The following PSMA8 variants were observed in gnomAD, a reference collection of about 807,000 sequenced individuals.
The protein encoded by PSMA8 is proteasome 20S subunit alpha 8, also known as proteasome subunit alpha-type 8.
A neutral mutation model predicts 32.4 loss-of-function variants in PSMA8; 18 were observed. The observed-to-expected ratio is 0.56, with a 90% CI of 0.38 to 0.82. The LOEUF (loss-of-function observed/expected upper bound fraction) is 0.82. Ranked by LOEUF, PSMA8 falls within the 40% of genes least tolerant of loss-of-function variation. PSMA8 has a pLI of 0.00. For missense variants in PSMA8, 298 were observed against 300.7 expected (o/e 0.99, Z 0.07); for synonymous variants, 104 against 98.1 (o/e 1.06, Z -0.36).
At chr18:26,134,386 T>C (rs2054893997) in intron 1 of PSMA8, among the ~76,000 whole-genome samples, 1 of 149,516 alleles carries the variant, frequency 6.7e-6, no homozygotes, top group Admixed American at 6.6e-5. Flanking sequence ...TGTGTGTGTG[T>C]GTAGGGACGT....
intron 6 of PSMA8, among the ~76,000 whole-genome samples, chr18:26,187,640 A>G (rs2055367093): frequency 6.6e-6 from 1 of 152,208 alleles, no homozygotes; most frequent in South Asian, 2.1e-4. Context: ...CTATACTTAT[A>G]TCAGACAAAA....
intron 3 of PSMA8, among the ~76,000 whole-genome samples, chr18:26,155,329 G>A (rs769240109): frequency 4.6e-5 from 7 of 152,164 alleles, no homozygotes; most frequent in Non-Finnish European, 1.0e-4. Context: ...TGTGAACTAG[G>A]ACATTAGGAA....
Position 26,193,240 on chromosome 18 carries a change from A to G in PSMA8, c.*829A>G, listed in dbSNP as rs1173553380. 1.3e-5 allele frequency: 2 copies of G among 152,252 alleles called. No homozygotes were observed. The highest frequency in any genetic ancestry group is 2.9e-5 in the Non-Finnish European group (2 of 68,044). 9.4% of individuals were successfully genotyped at this position (152,252 alleles called of 1,614,324 possible). A position where few individuals can be genotyped will look rare whatever the true frequency, so the allele number is the denominator to read the frequency against. ...AAGGCTTATTGGGGGAACAAGAAAA[A>G]TATAAAAAGTGATCTCTGCCCACGG... On this transcript the variant is annotated 3_prime_UTR_variant, in exon 7 of 7. Transcript: ENST00000415576.
At chr18:26,169,655 C>T (rs2055206250) in intron 4 of PSMA8, among the ~76,000 whole-genome samples, 1 of 129,244 alleles carries the variant, frequency 7.7e-6, no homozygotes, top group Non-Finnish European at 1.5e-5. Context: ...GCCTGACCAA[C>T]ATGGCGAAAC....
Position 26,170,854 on chromosome 18 carries a change from T to G in PSMA8, c.478-7976T>G, listed in dbSNP as rs2055214819. The G allele has an allele frequency of 2.6e-6, 4 of 1,559,452 alleles. No homozygotes were observed. In the South Asian group the frequency reaches 4.4e-5, roughly 17 times the overall value. On this transcript the variant is annotated intron_variant, in intron 4 of 6. Coordinates refer to ENST00000415576, the MANE Select transcript of PSMA8 (RefSeq NM_001025096.2). ...TCAATTTCTGGAAAAAACGTGTCAC[T>G]TTCAAAGTCTTGCATGATCCTTGTC...
At chr18:26,163,259 A>C (rs1043279710) in intron 4 of PSMA8, among the ~76,000 whole-genome samples, 2 of 119,238 alleles carry the variant, frequency 1.7e-5, no homozygotes, top group African/African-American at 3.2e-5. Flanking sequence ...ATATATATAT[A>C]TATGCTGTGA....
intron 1 of PSMA8, chr18:26,140,235 A>T: frequency 1.5e-6 from 1 of 670,100 alleles, no homozygotes; most frequent in Non-Finnish European, 2.7e-6. Context: ...GTCAGCAGGC[A>T]GGCTGGCTTG....
chr18:26,153,396 C>A (rs2055061917), intron 3 of PSMA8, among the ~76,000 whole-genome samples: 1 of 151,922 alleles, frequency 6.6e-6, no homozygotes, highest in Non-Finnish European at 1.5e-5. Flanking sequence ...TTTTCAGATT[C>A]TTTTTATATG....
At chr18:26,152,215 C>T (rs1160281290) in intron 3 of PSMA8, among the ~76,000 whole-genome samples, 1 of 152,066 alleles carries the variant, frequency 6.6e-6, no homozygotes, top group Non-Finnish European at 1.5e-5. Flanking sequence ...TTTAAAAAAA[C>T]AGTAAGTCTG....
chr18:26,189,928 T>C (rs1407441341), intron 6 of PSMA8, among the ~76,000 whole-genome samples: 6 of 152,134 alleles, frequency 3.9e-5, no homozygotes, highest in Non-Finnish European at 8.8e-5. Flanking sequence ...ACGAAGACAA[T>C]GTGATACTTA....
chr18:26,165,377 C>G (rs2055169640), intron 4 of PSMA8, among the ~76,000 whole-genome samples: 1 of 152,204 alleles, frequency 6.6e-6, no homozygotes, highest in African/African-American at 2.4e-5. Flanking sequence ...GTTAATAGTT[C>G]ATGAATCCAA....
intron 2 of PSMA8, among the ~76,000 whole-genome samples, chr18:26,148,406 GA>G (rs932241618): frequency 4.0e-5 from 6 of 151,490 alleles, no homozygotes; most frequent in East Asian, 3.9e-4. Flanking sequence ...CAGAAGGAAA[GA>G]AAAAAACTAT....
chr18:26,186,903 G>T (rs892697660), intron 6 of PSMA8, among the ~76,000 whole-genome samples: 1 of 152,202 alleles, frequency 6.6e-6, no homozygotes, highest in African/African-American at 2.4e-5. Flanking sequence ...GAAAGCCAGA[G>T]GTAAACATTT....
At position 26,178,961 on chromosome 18, in the gene PSMA8, A is replaced by G. The variant is rs2055286530; in HGVS notation, c.597+12A>G. On this transcript the variant is annotated intron_variant, in intron 5 of 6. Coordinates refer to ENST00000415576, the MANE Select transcript of PSMA8 (RefSeq NM_001025096.2). ...AAGCTTTGCTAGAAGTAAGTGATCT[A>G]ATAAAGCATATTCAGGAAATCATGA... 6.2e-7 allele frequency: 1 copy of G among 1,609,100 alleles called. No individual in the cohort carries two copies. Among genetic ancestry groups the G allele is most frequent in the Admixed American group, 1.7e-5 (1 of 58,626 alleles).
intron 4 of PSMA8, among the ~76,000 whole-genome samples, chr18:26,173,999 C>G (rs1361295166): frequency 6.6e-6 from 1 of 151,908 alleles, no homozygotes; most frequent in Admixed American, 6.6e-5. Flanking sequence ...GAAATATTCT[C>G]TCCCTTTGAA....
intron 6 of PSMA8, among the ~76,000 whole-genome samples, chr18:26,192,076 T>C (rs2055408038): frequency 6.6e-6 from 1 of 152,322 alleles, no homozygotes; most frequent in South Asian, 2.1e-4. Flanking sequence ...TATAACGCAA[T>C]ATCACCTTTT....
intron 6 of PSMA8, among the ~76,000 whole-genome samples, chr18:26,179,791 G>C (rs2055295229): frequency 2.0e-5 from 3 of 151,886 alleles, no homozygotes; most frequent in African/African-American, 7.3e-5. Context: ...TATACTTAAA[G>C]GATTGTTTTA....
At chr18:26,150,576 G>A (rs2055038366) in intron 2 of PSMA8, among the ~76,000 whole-genome samples, 1 of 152,088 alleles carries the variant, frequency 6.6e-6, no homozygotes, top group Non-Finnish European at 1.5e-5. Flanking sequence ...CTGGCTTCAA[G>A]CAAGTCTTCT....
chr18:26,166,402 C>T (rs1314413902), intron 4 of PSMA8, among the ~76,000 whole-genome samples: 1 of 152,196 alleles, frequency 6.6e-6, no homozygotes, highest in Non-Finnish European at 1.5e-5. Context: ...TATCTTGGTA[C>T]ACAACTGTGT....
Sources: allele counts gnomAD v4.1 joint callset (sites outside exome capture counted in the v4.1 genomes callset), GRCh38; gene constraint gnomAD v4.1.1; transcripts MANE v1.5; gene names NCBI Gene and HGNC (gene_info 2026-07-23, HGNC 2026-07-21).